Variants in SORD observed in about 807,000 individuals in gnomAD.
SORD encodes (R,R)-butanediol dehydrogenase.
A neutral mutation model predicts 35.6 loss-of-function variants in SORD; 18 were observed. The observed-to-expected ratio is 0.51, with a 90% CI of 0.35 to 0.75. SORD has a LOEUF of 0.75. Among genes scored for constraint, SORD ranks in the 30% least tolerant of loss-of-function variants. SORD has a pLI of 0.01. For synonymous variants in SORD, 106 were observed against 152.9 expected, an observed-to-expected ratio of 0.69 and a Z score of 2.26; for missense variants, 250 against 390.2, an observed-to-expected ratio of 0.64 and a Z score of 3.03.
chr15:45,045,017 A>G (rs1893024821), intron 3 of SORD, among the ~76,000 whole-genome samples: 1 of 152,076 alleles, frequency 6.6e-6, no homozygotes, highest in African/African-American at 2.4e-5. Flanking sequence ...CATTCTTGTA[A>G]CAATTCTATG....
intron 1 of SORD, 60 bp downstream of exon 1, chr15:45,023,409 G>A (rs1298246177): frequency 7.3e-7 from 1 of 1,374,518 alleles, no homozygotes; most frequent in Non-Finnish European, 9.6e-7. Flanking sequence ...TCTGAGCCCA[G>A]CCATAGTCCT....
intron 3 of SORD, among the ~76,000 whole-genome samples, chr15:45,055,024 TACC>T (rs1399989002): frequency 2.0e-5 from 3 of 152,228 alleles, no homozygotes; most frequent in African/African-American, 7.2e-5. Context: ...TTGGTACCAG[TACC>T]ATGCTGTTTT....
intron 1 of SORD, among the ~76,000 whole-genome samples, chr15:45,030,755 T>C (rs1892766902): frequency 6.6e-6 from 1 of 152,250 alleles, no homozygotes; most frequent in African/African-American, 2.4e-5. Flanking sequence ...CTATCCTGTG[T>C]GGATTCAATG....
At chr15:45,058,661 G>C (rs1893255004) in intron 3 of SORD, 1 of 152,148 alleles carries the variant, frequency 6.6e-6, no homozygotes, top group Non-Finnish European at 1.5e-5. Context: ...AGAAAATTAA[G>C]GAGCATGGAC....
intron 3 of SORD, chr15:45,050,363 G>A (rs28887278): frequency 0.031 from 4,737 of 152,388 alleles, 201 homozygotes; most frequent in African/African-American, 0.091. Flanking sequence ...TTACACGCAT[G>A]AGCCACCGCG....
rs373776115 is a variant in SORD at position 45,047,989 on chromosome 15, T to C, written c.265+4568T>C. Among the ~76,000 whole-genome samples the C allele has an allele frequency of 1.1e-3, 168 of 152,344 alleles. 2 individuals are homozygous for C. In the Middle Eastern group the frequency reaches 0.02, roughly 19 times the overall value. ...TATTAAAATCCCCTGTAAATCTGCTTTCTATTTTCTGCAAACATGGAGGCC... is the reference window on the plus strand; with the variant it reads ...TATTAAAATCCCCTGTAAATCTGCTCTCTATTTTCTGCAAACATGGAGGCC... On this transcript the variant is annotated intron_variant, in intron 3 of 8. Transcript: ENST00000267814.
intron 3 of SORD, among the ~76,000 whole-genome samples, chr15:45,057,640 G>A (rs189153497): frequency 4.6e-5 from 7 of 152,096 alleles, no homozygotes; most frequent in African/African-American, 1.7e-4. Flanking sequence ...AAAATTAGCC[G>A]GGTGTGGTGG....
At chr15:45,027,327 C>G (rs968777378) in intron 1 of SORD, among the ~76,000 whole-genome samples, 20 of 152,374 alleles carry the variant, frequency 1.3e-4, no homozygotes, top group African/African-American at 4.6e-4. Flanking sequence ...GGGGTTTAGT[C>G]CCCCTTCTAC....
chr15:45,060,541 A>G (rs896207891), intron 3 of SORD, among the ~76,000 whole-genome samples: 4 of 152,170 alleles, frequency 2.6e-5, no homozygotes, highest in African/African-American at 9.7e-5. Context: ...GTTGACTCCT[A>G]ATTATTGTCT....
chr15:45,042,225 C>A (rs1257104558), intron 2 of SORD: 1 of 152,206 alleles, frequency 6.6e-6, no homozygotes, highest in East Asian at 1.9e-4. Flanking sequence ...GGCGCGGTGG[C>A]TTAGGCCTGT....
chr15:45,061,345 A>C (rs376733860), intron 4 of SORD, 119 bp downstream of exon 4: 1 of 1,084,450 alleles, frequency 9.2e-7, no homozygotes, highest in African/African-American at 1.6e-5. Flanking sequence ...ATGAGGCATC[A>C]CCTGGACAGG....
intron 3 of SORD, among the ~76,000 whole-genome samples, chr15:45,055,333 A>G (rs1295220800): frequency 6.6e-6 from 1 of 152,198 alleles, no homozygotes; most frequent in East Asian, 1.9e-4. Context: ...ACAGAAATAC[A>G]AACTACCATC....
intron 1 of SORD, among the ~76,000 whole-genome samples, chr15:45,038,379 A>G (rs1892908945): frequency 1.3e-5 from 2 of 152,196 alleles, no homozygotes; most frequent in Admixed American, 6.5e-5. Context: ...TTTTCCGAGT[A>G]TTAAATGAGG....
Position 45,026,662 on chromosome 15 carries a change from T to C in SORD, c.66+3313T>C, listed in dbSNP as rs148175784. 5.5e-3 allele frequency among the ~76,000 whole-genome samples: 831 copies of C among 152,376 alleles called. 6 individuals are homozygous for C. Among genetic ancestry groups the C allele is most frequent in the African/African-American group, 0.019 (788 of 41,594 alleles). On this transcript the variant is annotated intron_variant, in intron 1 of 8. Transcript: ENST00000267814. ...TCCTAAGATCTTTTCAAAAAATGTA[T>C]AAATTTTCAAGGGAAAAGTGTATCA...
chr15:45,055,655 C>G lies in SORD; in HGVS notation c.266-5412C>G, dbSNP rs975628307. On this transcript the variant is annotated intron_variant, in intron 3 of 8. Coordinates refer to ENST00000267814, the MANE Select transcript of SORD (RefSeq NM_003104.6). ...ACTCATTTTATGAGGCCAGCATCAT[C>G]CTGATACCAAAGCCGGGCAGAGACA... Among the ~76,000 whole-genome samples, 3 of 152,180 alleles carry G rather than the reference C, an allele frequency of 2.0e-5. No homozygotes were observed. In the South Asian group the frequency reaches 6.2e-4, roughly 32 times the overall value.
At chr15:45,042,769 A>G (rs1352872953) in intron 2 of SORD, among the ~76,000 whole-genome samples, 4 of 151,714 alleles carry the variant, frequency 2.6e-5, no homozygotes, top group African/African-American at 7.3e-5. Context: ...GTCCAGAGAA[A>G]CAAAACCACT....
intron 1 of SORD, among the ~76,000 whole-genome samples, chr15:45,025,328 G>A (rs1010220973): frequency 6.6e-6 from 1 of 152,134 alleles, no homozygotes; most frequent in African/African-American, 2.4e-5. Context: ...GATCAGGTTT[G>A]AAAAGTTGAG....
intron 3 of SORD, chr15:45,047,326 A>T (rs1893061214): frequency 6.6e-6 from 1 of 151,686 alleles, no homozygotes; most frequent in Non-Finnish European, 1.5e-5. Context: ...TTCCCTGCTG[A>T]ATAAAGGCCA....
chr15:45,065,198 T>A (rs1371362936), intron 4 of SORD, 73 bp from the exon 5 acceptor site: 3 of 1,310,802 alleles, frequency 2.3e-6, no homozygotes, highest in Non-Finnish European at 3.2e-6. Context: ...TACAGTGACA[T>A]TGGGCATATA....
Sources: gnomAD v4.1 joint callset for allele counts (sites outside exome capture counted in the v4.1 genomes callset) on GRCh38, gnomAD v4.1.1 for gene constraint, MANE v1.5 for transcripts, NCBI Gene and HGNC (gene_info 2026-07-23, HGNC 2026-07-21) for gene names.